Variants in THSD7B observed in about 807,000 individuals in gnomAD.
The protein encoded by THSD7B is thrombospondin type 1 domain containing 7B.
A neutral mutation model predicts 213.6 loss-of-function variants in THSD7B; 138 were observed. The ratio of observed to expected loss-of-function variants is 0.65; its 90% CI spans 0.56 to 0.74. The LOEUF (loss-of-function observed/expected upper bound fraction) is 0.74, where lower values mean the gene tolerates loss of function less well. Ranked by LOEUF, THSD7B falls within the 30% of genes least tolerant of loss-of-function variation. The pLI, the probability that THSD7B is intolerant of heterozygous loss-of-function variation, is 0.00. For synonymous variants in THSD7B, 742 were observed against 687.0 expected (o/e 1.08, Z -1.25); for missense variants, 1,931 against 1,991.5 (o/e 0.97, Z 0.58).
At chr2:137,404,512 T>G (rs1309617103) in intron 12 of THSD7B, among the ~76,000 whole-genome samples, 1 of 124,830 alleles carries the variant, frequency 8.0e-6, no homozygotes, top group Non-Finnish European at 1.7e-5. Flanking sequence ...CACACATATA[T>G]GTATATACAC....
intron 2 of THSD7B, among the ~76,000 whole-genome samples, chr2:137,044,666 TATA>T (rs899027312): frequency 6.6e-6 from 1 of 152,158 alleles, no homozygotes; most frequent in Non-Finnish European, 1.5e-5. Context: ...GTAATAATAT[TATA>T]ATAAAAACTG....
At chr2:137,586,294 G>T (rs1322529427) in intron 17 of THSD7B, among the ~76,000 whole-genome samples, 1 of 152,076 alleles carries the variant, frequency 6.6e-6, no homozygotes. Flanking sequence ...TATCCAATTT[G>T]CCAGTCTGTG....
intron 10 of THSD7B, among the ~76,000 whole-genome samples, chr2:137,246,425 T>C (rs1180480352): frequency 6.6e-6 from 1 of 152,208 alleles, no homozygotes; most frequent in Non-Finnish European, 1.5e-5. Context: ...ACCACGTTCA[T>C]TCTAAACCTC....
At chr2:137,112,739 C>T (rs1337712448) in intron 4 of THSD7B, among the ~76,000 whole-genome samples, 1 of 151,222 alleles carries the variant, frequency 6.6e-6, no homozygotes, top group Non-Finnish European at 1.5e-5. Context: ...TTGATGAAAT[C>T]AATGAAATCC....
intron 1 of THSD7B, among the ~76,000 whole-genome samples, chr2:136,847,116 A>G (rs1325770945): frequency 6.6e-6 from 1 of 152,164 alleles, no homozygotes; most frequent in East Asian, 1.9e-4. Context: ...GGAAATAGTA[A>G]ATGGAATTGC....
Position 137,053,754 on chromosome 2 carries a change from T to C in THSD7B, c.140-2666T>C, listed in dbSNP as rs539849671. Among the ~76,000 whole-genome samples, 327 of 152,212 alleles carry C rather than the reference T, an allele frequency of 2.1e-3. 5 individuals carry two copies. The highest frequency in any genetic ancestry group is 3.4e-3 in the Middle Eastern group (1 of 294). ...TGCAAAAAAAATCCTGAGTGGAAAA[T>C]TGTGTATGCTTAATACCTAATCAAA... On this transcript the variant is annotated intron_variant, in intron 2 of 27. Coordinates refer to ENST00000409968, the MANE Select transcript of THSD7B (RefSeq NM_001316349.2).
intron 3 of THSD7B, among the ~76,000 whole-genome samples, chr2:137,077,234 A>G (rs899647836): frequency 6.6e-6 from 1 of 152,104 alleles, no homozygotes; most frequent in Non-Finnish European, 1.5e-5. Context: ...ATTGTTGGAC[A>G]TTTGGGTTGG....
intron 12 of THSD7B, among the ~76,000 whole-genome samples, chr2:137,383,438 G>T (rs1685823933): frequency 6.6e-6 from 1 of 152,136 alleles, no homozygotes; most frequent in African/African-American, 2.4e-5. Context: ...CTATGCATCA[G>T]ACCTGTGTGT....
intron 2 of THSD7B, among the ~76,000 whole-genome samples, chr2:137,031,250 C>T (rs1055775118): frequency 2.0e-5 from 3 of 152,100 alleles, no homozygotes; most frequent in African/African-American, 7.2e-5. Flanking sequence ...GAGGCTGAGG[C>T]AGGAGAATCA....
At chr2:137,549,366 C>T (rs1163051738) in intron 15 of THSD7B, among the ~76,000 whole-genome samples, 1 of 120,266 alleles carries the variant, frequency 8.3e-6, no homozygotes, top group East Asian at 2.5e-4. Flanking sequence ...TCCGTTTTCA[C>T]CTGATTTCTG....
chr2:137,128,740 CAT>C (rs1050583794), intron 5 of THSD7B, among the ~76,000 whole-genome samples: 1 of 152,190 alleles, frequency 6.6e-6, no homozygotes, highest in East Asian at 1.9e-4. Flanking sequence ...GCTTCTAAAA[CAT>C]GTACCTTCTC....
intron 12 of THSD7B, among the ~76,000 whole-genome samples, chr2:137,304,189 G>T (rs936352779): frequency 3.3e-5 from 5 of 151,950 alleles, no homozygotes; most frequent in Non-Finnish European, 7.4e-5. Context: ...ATTCTTCATT[G>T]TCATTAGTTT....
chr2:137,421,566 C>A (rs1034037174), intron 14 of THSD7B, among the ~76,000 whole-genome samples: 2 of 152,200 alleles, frequency 1.3e-5, no homozygotes, highest in Non-Finnish European at 2.9e-5. Context: ...CCTGGGCACA[C>A]CACCCTCCCC....
chr2:136,941,201 C>A (rs1462133863), intron 2 of THSD7B, among the ~76,000 whole-genome samples: 1 of 152,146 alleles, frequency 6.6e-6, no homozygotes, highest in Non-Finnish European at 1.5e-5. Context: ...TTTTTTATGG[C>A]TGCATAGTAT....
intron 1 of THSD7B, among the ~76,000 whole-genome samples, chr2:136,836,903 C>T (rs1682852485): frequency 6.6e-6 from 1 of 152,138 alleles, no homozygotes; most frequent in Non-Finnish European, 1.5e-5. Flanking sequence ...CCCATCTTCC[C>T]CATCTTTACC....
At chr2:137,113,312 A>G (rs112764820) in intron 4 of THSD7B, among the ~76,000 whole-genome samples, 2,270 of 152,270 alleles carry the variant, frequency 0.015, 65 homozygotes, top group African/African-American at 0.052. Flanking sequence ...CTGTGAGGAG[A>G]AAGGGTTTCA....
At chr2:137,452,639 C>T (rs114340422) in intron 15 of THSD7B, among the ~76,000 whole-genome samples, 194 of 152,122 alleles carry the variant, frequency 1.3e-3, no homozygotes, top group African/African-American at 4.6e-3. Flanking sequence ...TTTTAATATG[C>T]TAATTTTATG....
intron 12 of THSD7B, among the ~76,000 whole-genome samples, chr2:137,389,728 T>G (rs1443677941): frequency 2.0e-5 from 3 of 152,092 alleles, no homozygotes; most frequent in African/African-American, 7.2e-5. Context: ...TTTAAACAAT[T>G]TTGAGTTGCT....
At chr2:137,018,044 C>T (rs566022829) in intron 2 of THSD7B, among the ~76,000 whole-genome samples, 1 of 150,240 alleles carries the variant, frequency 6.7e-6, no homozygotes, top group Non-Finnish European at 1.5e-5. Context: ...GTGAAAAACT[C>T]TGATCATTTT....
Sources: gnomAD v4.1 joint callset for allele counts (sites outside exome capture counted in the v4.1 genomes callset) on GRCh38, gnomAD v4.1.1 for gene constraint, MANE v1.5 for transcripts, NCBI Gene and HGNC (gene_info 2026-07-23, HGNC 2026-07-21) for gene names.